NUP58: variants seen among roughly 807,000 people sequenced by gnomAD.
NUP58 encodes the protein nucleoporin p58/p45.
A neutral mutation model predicts 70.1 loss-of-function variants in NUP58; 17 were observed. The observed-to-expected ratio is 0.24, with a 90% CI of 0.17 to 0.36. The LOEUF (loss-of-function observed/expected upper bound fraction) is 0.36, where lower values mean the gene tolerates loss of function less well. Ranked by LOEUF, NUP58 falls within the 10% of genes least tolerant of loss-of-function variation. NUP58 has a pLI of 1.00. For synonymous variants in NUP58, 275 were observed against 257.6 expected (o/e 1.07, Z -0.65); for missense variants, 644 against 701.5 (o/e 0.92, Z 0.93).
At chr13:25,305,146 T>TG (rs1491541843) in intron 1 of NUP58, among the ~76,000 whole-genome samples, 12,371 of 41,460 alleles carry the variant, frequency 0.3, 978 homozygotes, top group South Asian at 0.48. Context: ...TTTTTTTTTT[T>TG]TTTTTTTTTT....
intron 1 of NUP58, among the ~76,000 whole-genome samples, chr13:25,304,209 T>C (rs1309716133): frequency 6.6e-6 from 1 of 152,126 alleles, no homozygotes; most frequent in Non-Finnish European, 1.5e-5. Flanking sequence ...CTGGGCAAGT[T>C]AAAATAACAT....
Position 25,327,041 on chromosome 13 carries a change from T to C in NUP58, c.1150+7T>C. On this transcript the variant is annotated splice_region_variant and intron_variant, in intron 11 of 15. Coordinates refer to ENST00000381736, the MANE Select transcript of NUP58 (RefSeq NM_014089.4). ...TCACATATAACCCCTCAAGGTAACA[T>C]GCTTACTGTGGTAATTTTTTTTGAA... 1 of 1,485,888 alleles carries C rather than the reference T, an allele frequency of 6.7e-7. No homozygotes were observed. Among genetic ancestry groups the C allele is most frequent in the South Asian group, 1.2e-5 (1 of 82,992 alleles). The allele number at this position is 1,485,888 out of a possible 1,614,324, so 92.0% of individuals were successfully genotyped here. A position where few individuals can be genotyped will look rare whatever the true frequency, so the allele number is the denominator to read the frequency against.
Position 25,312,455 on chromosome 13 carries a change from C to G in NUP58, c.287-428C>G, listed in dbSNP as rs531885652. 7.2e-5 allele frequency among the ~76,000 whole-genome samples: 11 copies of G among 152,296 alleles called. No homozygotes were observed. The East Asian group carries it at 2.1e-3, about 29-fold the overall frequency. On this transcript the variant is annotated intron_variant, in intron 3 of 15. Coordinates refer to ENST00000381736, the MANE Select transcript of NUP58 (RefSeq NM_014089.4). ...CGATTTCAGCTCACTGCAACCTCCC[C>G]CTCCCAGGTTCAAGTGACTCTCGTA...
intron 10 of NUP58, among the ~76,000 whole-genome samples, chr13:25,326,302 T>C (rs112685064): frequency 0.022 from 3,404 of 152,248 alleles, 127 homozygotes; most frequent in African/African-American, 0.077. Flanking sequence ...CTGAAAGACA[T>C]TCAGATTCCT....
chr13:25,347,260 T>G (rs2032061527), downstream of NUP58, among the ~76,000 whole-genome samples: 1 of 152,124 alleles, frequency 6.6e-6, no homozygotes, highest in Non-Finnish European at 1.5e-5. Flanking sequence ...TTCCAGCTCA[T>G]GGGAAGAAGG....
At chr13:25,348,222 A>C (rs2032072036) in intron 3 of NUP58, among the ~76,000 whole-genome samples, 1 of 152,238 alleles carries the variant, frequency 6.6e-6, no homozygotes, top group Admixed American at 6.5e-5. Context: ...ATGAGTCTAC[A>C]TTGTCAATTG....
chr13:25,319,911 A>T (rs2031109120), intron 7 of NUP58, among the ~76,000 whole-genome samples: 1 of 152,158 alleles, frequency 6.6e-6, no homozygotes, highest in African/African-American at 2.4e-5. Context: ...ATTTAAATGA[A>T]GAAGATTAGA....
chr13:25,325,392 G>A lies in NUP58; in HGVS notation c.1031+324G>A, dbSNP rs116678610. ...AAATTACCATTATTCATTTAAATAGGTAATACGTGTTCTGGAAGAAAAATT... is the reference window on the plus strand; with the variant it reads ...AAATTACCATTATTCATTTAAATAGATAATACGTGTTCTGGAAGAAAAATT... On this transcript the variant is annotated intron_variant, in intron 10 of 15. Coordinates refer to ENST00000381736, the MANE Select transcript of NUP58 (RefSeq NM_014089.4). Among the ~76,000 whole-genome samples the A allele has an allele frequency of 7.3e-3, 1,110 of 152,148 alleles. 17 individuals are homozygous for A. Among genetic ancestry groups the A allele is most frequent in the African/African-American group, 0.024 (1,010 of 41,492 alleles).
chr13:25,331,825 A>T (rs2031616722), intron 13 of NUP58: 6 of 1,258,674 alleles, frequency 4.8e-6, no homozygotes, highest in African/African-American at 1.5e-5. Flanking sequence ...GCCCTTTAGA[A>T]CATGGTGTTT....
Position 25,307,718 on chromosome 13 carries a change from A to G in NUP58, c.108-88A>G. The G allele has an allele frequency of 3.9e-6, 5 of 1,279,716 alleles. No homozygotes were observed. The South Asian group carries it at 6.8e-5, about 18-fold the overall frequency. The allele number at this position is 1,279,716 out of a possible 1,614,324, so 79.3% of individuals were successfully genotyped here. ...TGAATGAAATTATCTTGAAGAGTTA[A>G]TTTTTATTTTTCTTAAGTAAATATT... On this transcript the variant is annotated intron_variant, in intron 1 of 15. Coordinates refer to ENST00000381736, the MANE Select transcript of NUP58 (RefSeq NM_014089.4).
downstream of NUP58, among the ~76,000 whole-genome samples, chr13:25,345,768 C>G (rs2032041900): frequency 6.6e-6 from 1 of 151,938 alleles, no homozygotes; most frequent in East Asian, 1.9e-4. Flanking sequence ...TCAACTGGCC[C>G]TTTAAAAAGC....
intron 13 of NUP58, chr13:25,335,889 G>T: frequency 4.6e-6 from 5 of 1,090,134 alleles, no homozygotes; most frequent in Non-Finnish European, 5.6e-6. Flanking sequence ...CAATACTGAA[G>T]ATTGTACTAT....
Position 25,341,905 on chromosome 13 carries a change from T to C in NUP58, c.*1771T>C, listed in dbSNP as rs1289280473. ...CTAAAATAGGCATTGCATACACATA[T>C]GCACACGTATGTGCATGTGCCACAC... On this transcript the variant is annotated 3_prime_UTR_variant, in exon 16 of 16. Coordinates refer to ENST00000381736, the MANE Select transcript of NUP58 (RefSeq NM_014089.4). The C allele has an allele frequency of 6.6e-6, 1 of 152,362 alleles. No homozygotes were observed. Among genetic ancestry groups the C allele is most frequent in the African/African-American group, 2.4e-5 (1 of 41,468 alleles). The allele number at this position is 152,362 out of a possible 1,614,324, so 9.4% of individuals were successfully genotyped here. A position where few individuals can be genotyped will look rare whatever the true frequency, so the allele number is the denominator to read the frequency against.
At chr13:25,310,499 C>T (rs751326536) in intron 3 of NUP58, among the ~76,000 whole-genome samples, 5 of 140,770 alleles carry the variant, frequency 3.6e-5, no homozygotes, top group East Asian at 2.2e-4. Flanking sequence ...GGATTACAGG[C>T]GTGAGCCACT....
intron 1 of NUP58, among the ~76,000 whole-genome samples, chr13:25,305,148 TTTTTTTTTTTTTTG>T (rs2030277124): frequency 8.2e-6 from 1 of 122,228 alleles, no homozygotes; most frequent in Admixed American, 8.4e-5. Flanking sequence ...TTTTTTTTTT[TTTTTTTTTTTTTTG>T]AGACAGGGCC....
chr13:25,346,556 C>T (rs1340951275), downstream of NUP58, among the ~76,000 whole-genome samples: 1 of 152,038 alleles, frequency 6.6e-6, no homozygotes, highest in East Asian at 1.9e-4. Context: ...CCTGTCTCTA[C>T]TAAAAATACA....
Position 25,340,247 on chromosome 13 carries a change from A to T in NUP58, c.*113A>T. On this transcript the variant is annotated 3_prime_UTR_variant, in exon 16 of 16. Coordinates refer to ENST00000381736, the MANE Select transcript of NUP58 (RefSeq NM_014089.4). ...CCCAGGAGATTTATAAAGTTTTGAT[A>T]TTTTTCCCTACTCTGGAATTTGAAC... 2 of 1,031,700 alleles carry T rather than the reference A, an allele frequency of 1.9e-6. No individual in the cohort carries two copies. Among genetic ancestry groups the T allele is most frequent in the South Asian group, 2.5e-5 (1 of 40,432 alleles). 63.9% of individuals were successfully genotyped at this position (1,031,700 alleles called of 1,614,324 possible). A position where few individuals can be genotyped will look rare whatever the true frequency, so the allele number is the denominator to read the frequency against.
chr13:25,330,222 T>C (rs2137809778), intron 12 of NUP58, among the ~76,000 whole-genome samples: 1 of 152,358 alleles, frequency 6.6e-6, no homozygotes, highest in South Asian at 2.1e-4. Context: ...GGGATACTGA[T>C]GCTTGCCCAG....
At chr13:25,342,466 TC>T (rs1179850597), downstream of NUP58, 2 of 152,638 alleles carry the variant, frequency 1.3e-5, no homozygotes, top group Non-Finnish European at 2.9e-5. Context: ...TTATTATTGC[TC>T]TTTTAGTCTC....
Sources: gnomAD v4.1 joint callset for allele counts (sites outside exome capture counted in the v4.1 genomes callset) on GRCh38, gnomAD v4.1.1 for gene constraint, MANE v1.5 for transcripts, NCBI Gene and HGNC (gene_info 2026-07-23, HGNC 2026-07-21) for gene names.